KHDRBS2: variants seen among roughly 807,000 people sequenced by gnomAD.
KHDRBS2 encodes the protein KH domain-containing, RNA-binding, signal transduction-associated protein 2.
A neutral mutation model predicts 44.3 loss-of-function variants in KHDRBS2; 26 were observed. That is an observed-to-expected ratio of 0.59 (90% CI 0.43 to 0.81). KHDRBS2 has a LOEUF of 0.81. Ranked by LOEUF, KHDRBS2 falls within the 40% of genes least tolerant of loss-of-function variation. The pLI is 0.00. For synonymous variants in KHDRBS2, 194 were observed against 151.1 expected, an observed-to-expected ratio of 1.28 and a Z score of -2.08; for missense variants, 476 against 433.1, an observed-to-expected ratio of 1.10 and a Z score of -0.88.
At chr6:61,772,326 G>A (rs1313292011) in intron 6 of KHDRBS2, among the ~76,000 whole-genome samples, 5 of 152,100 alleles carry the variant, frequency 3.3e-5, no homozygotes, top group Admixed American at 3.3e-4. Context: ...GATCAGAGCA[G>A]AACTGAAGGA....
intron 6 of KHDRBS2, among the ~76,000 whole-genome samples, chr6:61,768,954 T>C (rs982060159): frequency 1.3e-5 from 2 of 152,136 alleles, no homozygotes; most frequent in Admixed American, 6.5e-5. Context: ...TCAAAGTATA[T>C]CTGTATCATT....
chr6:61,793,508 G>A (rs1784905916), intron 6 of KHDRBS2, among the ~76,000 whole-genome samples: 1 of 151,922 alleles, frequency 6.6e-6, no homozygotes, highest in African/African-American at 2.4e-5. Context: ...TTACTTCTAA[G>A]GAGGGAAATC....
intron 2 of KHDRBS2, among the ~76,000 whole-genome samples, chr6:62,107,669 C>A (rs1046899790): frequency 7.2e-5 from 11 of 152,162 alleles, no homozygotes; most frequent in Non-Finnish European, 1.5e-4. Context: ...AAGCTGGAGG[C>A]ATCATGCTAC....
chr6:61,996,477 A>G (rs1777183024), intron 3 of KHDRBS2, among the ~76,000 whole-genome samples: 1 of 152,294 alleles, frequency 6.6e-6, no homozygotes, highest in East Asian at 1.9e-4. Context: ...TTGATAATCA[A>G]GTTTGCTAAA....
chr6:62,097,912 T>C (rs1002114741), intron 2 of KHDRBS2, among the ~76,000 whole-genome samples: 3 of 152,090 alleles, frequency 2.0e-5, no homozygotes, highest in African/African-American at 7.2e-5. Flanking sequence ...TTTGTGGTTA[T>C]CATAAGTCTT....
intron 2 of KHDRBS2, among the ~76,000 whole-genome samples, chr6:62,062,234 G>A (rs369546859): frequency 1.3e-5 from 2 of 148,790 alleles, no homozygotes; most frequent in Non-Finnish European, 3.0e-5. Context: ...CAGAAAGTCA[G>A]CAAGGATACC....
chr6:62,271,605 C>T (rs530434581), intron 1 of KHDRBS2, among the ~76,000 whole-genome samples: 73 of 151,998 alleles, frequency 4.8e-4, no homozygotes, highest in African/African-American at 1.6e-3. Flanking sequence ...TGTGTTATTG[C>T]CCCTGAAGAC....
the KHDRBS2 span, among the ~76,000 whole-genome samples, chr6:61,634,196 C>G: frequency 1.3e-5 from 2 of 151,808 alleles, no homozygotes; most frequent in Admixed American, 1.3e-4. Context: ...TCAACAATCA[C>G]TCCCAGTGGC....
chr6:61,816,738 C>A (rs1582988842), intron 6 of KHDRBS2: 1 of 384,114 alleles, frequency 2.6e-6, no homozygotes. Flanking sequence ...ATGTAGAATG[C>A]CATATTACGT....
chr6:61,587,284 C>T, the KHDRBS2 span, among the ~76,000 whole-genome samples: 313 of 152,248 alleles, frequency 2.1e-3, 5 homozygotes, highest in Non-Finnish European at 2.4e-3. Flanking sequence ...TAACTGAAAT[C>T]TCACCATCAT....
At position 61,954,850 on chromosome 6, in the gene KHDRBS2, G is replaced by GTGTATATATGTATATATA. The variant is rs1562513832; in HGVS notation, c.483+23215_483+23216insTATATATACATATATACA. On this transcript the variant is annotated intron_variant, in intron 4 of 8. Coordinates refer to ENST00000281156, the MANE Select transcript of KHDRBS2 (RefSeq NM_152688.4). ...CACATGCATATGTATGTATACATATGCATGTGTATATACACATACATATGT... is the reference window on the plus strand; with the variant it reads ...CACATGCATATGTATGTATACATATGTGTATATATGTATATATACATGTGTATATACACATACATATGT... Among the ~76,000 whole-genome samples the GTGTATATATGTATATATA allele has an allele frequency of 5.7e-4, 25 of 43,526 alleles. 3 individuals carry two copies. The highest frequency in any genetic ancestry group is 1.4e-3 in the African/African-American group (15 of 10,456). The allele number at this position is 43,526 out of a possible 152,430, so 28.6% of individuals were successfully genotyped here.
the KHDRBS2 span, among the ~76,000 whole-genome samples, chr6:61,578,670 G>T: frequency 6.6e-6 from 1 of 152,168 alleles, no homozygotes; most frequent in African/African-American, 2.4e-5. Flanking sequence ...ATAGTGATAA[G>T]ATATTTTTAA....
intron 2 of KHDRBS2, among the ~76,000 whole-genome samples, chr6:62,062,626 G>A (rs925192870): frequency 2.7e-5 from 4 of 148,930 alleles, no homozygotes; most frequent in Admixed American, 6.7e-5. Context: ...CGCATTCAAA[G>A]CAGTGTGTAG....
intron 6 of KHDRBS2, among the ~76,000 whole-genome samples, chr6:61,800,661 A>C (rs554231214): frequency 6.6e-6 from 1 of 152,188 alleles, no homozygotes; most frequent in South Asian, 2.1e-4. Context: ...TATGGGGTCT[A>C]TTCTACTTGC....
chr6:61,778,416 T>C (rs1333723585), intron 6 of KHDRBS2, among the ~76,000 whole-genome samples: 1 of 152,054 alleles, frequency 6.6e-6, no homozygotes, highest in Non-Finnish European at 1.5e-5. Flanking sequence ...ATAGAGGTGA[T>C]AATTTACCCA....
chr6:61,799,486 T>C (rs963617379), intron 6 of KHDRBS2, among the ~76,000 whole-genome samples: 3 of 152,010 alleles, frequency 2.0e-5, no homozygotes, highest in African/African-American at 7.2e-5. Context: ...AACAAAGTAA[T>C]GTCTTAAGAG....
At chr6:62,206,445 CT>C (rs1563062670) in intron 1 of KHDRBS2, among the ~76,000 whole-genome samples, 1 of 151,976 alleles carries the variant, frequency 6.6e-6, no homozygotes, top group Non-Finnish European at 1.5e-5. Context: ...AATAAGGCCA[CT>C]TGTGTTTAGA....
chr6:62,138,300 G>A (rs1812014891), intron 2 of KHDRBS2, among the ~76,000 whole-genome samples: 2 of 152,104 alleles, frequency 1.3e-5, no homozygotes, highest in African/African-American at 4.8e-5. Context: ...CCCTTGAAAT[G>A]CATTTTCTCT....
At chr6:62,183,955 T>C (rs1822900294) in intron 1 of KHDRBS2, among the ~76,000 whole-genome samples, 1 of 151,758 alleles carries the variant, frequency 6.6e-6, no homozygotes, top group South Asian at 2.1e-4. Flanking sequence ...GGACAACTTA[T>C]ATTTAAATAA....
Sources: allele counts gnomAD v4.1 joint callset (sites outside exome capture counted in the v4.1 genomes callset), GRCh38; gene constraint gnomAD v4.1.1; transcripts MANE v1.5; gene names NCBI Gene and HGNC (gene_info 2026-07-23, HGNC 2026-07-21).